CNTRL: variants seen among roughly 807,000 people sequenced by gnomAD.
The protein encoded by CNTRL is 110 kDa centrosomal protein.
CNTRL carries 233 observed loss-of-function variants against 303.7 expected under a neutral mutation model. The observed-to-expected ratio is 0.77, with a 90% CI of 0.69 to 0.86. The LOEUF is 0.86. Ranked by LOEUF, CNTRL falls within the 40% of genes least tolerant of loss-of-function variation. The probability of loss-of-function intolerance (pLI) is 0.00; values close to 1 mark genes in which losing one functional copy is unlikely to be tolerated. For missense variants in CNTRL, 2,524 were observed against 2,650.6 expected (o/e 0.95, Z 1.05); for synonymous variants, 900 against 922.2 (o/e 0.98, Z 0.44).
In CNTRL at chr9:121,146,010, C is replaced by A; in HGVS notation, c.3311-98C>A. The A allele has an allele frequency of 5.5e-6, 6 of 1,091,746 alleles. No individual in the cohort carries two copies. In the South Asian group the frequency reaches 7.3e-5, roughly 13 times the overall value. The allele number at this position is 1,091,746 out of a possible 1,614,324, so 67.6% of individuals were successfully genotyped here. A position where few individuals can be genotyped will look rare whatever the true frequency, so the allele number is the denominator to read the frequency against. ...CAGACTGAAAGTCAGCTTTGAGGAACTGATAAAATTAATTGGCTCTCTTAG... is the reference window on the plus strand; with the variant it reads ...CAGACTGAAAGTCAGCTTTGAGGAAATGATAAAATTAATTGGCTCTCTTAG... On this transcript the variant is annotated intron_variant, in intron 22 of 43. Coordinates refer to ENST00000373855, the MANE Select transcript of CNTRL (RefSeq NM_007018.6).
At chr9:121,170,333 G>A (rs1235952264) in intron 39 of CNTRL, among the ~76,000 whole-genome samples, 1 of 152,136 alleles carries the variant, frequency 6.6e-6, no homozygotes, top group African/African-American at 2.4e-5. Context: ...TAGTAGAGAT[G>A]GGGTTTCACC....
intron 12 of CNTRL, among the ~76,000 whole-genome samples, chr9:121,121,244 T>C (rs2050210230): frequency 1.3e-5 from 2 of 152,220 alleles, no homozygotes; most frequent in Non-Finnish European, 2.9e-5. Flanking sequence ...ATTTTCCATG[T>C]TCTGGTGAGG....
At chr9:121,156,683 CTATT>C (rs1304473480) in intron 27 of CNTRL, among the ~76,000 whole-genome samples, 2 of 152,006 alleles carry the variant, frequency 1.3e-5, no homozygotes, top group Admixed American at 6.6e-5. Flanking sequence ...AAACCACACT[CTATT>C]TATTTTTGGA....
At chr9:121,169,942 T>C in intron 39 of CNTRL, 126 bp downstream of exon 39, 1 of 780,742 alleles carries the variant, frequency 1.3e-6, no homozygotes, top group Non-Finnish European at 2.0e-6. Context: ...GCTGTTGTTA[T>C]TGATGTATTT....
chr9:121,102,359 C>A (rs561001884), intron 7 of CNTRL, among the ~76,000 whole-genome samples: 1 of 152,198 alleles, frequency 6.6e-6, no homozygotes, highest in South Asian at 2.1e-4. Flanking sequence ...GCCCTTCATG[C>A]TAAAAACTCA....
intron 16 of CNTRL, among the ~76,000 whole-genome samples, chr9:121,140,043 A>G (rs1204490589): frequency 1.3e-5 from 2 of 152,160 alleles, no homozygotes; most frequent in South Asian, 2.1e-4. Context: ...TTTAGTTGCA[A>G]TGAACCAAAA....
At chr9:121,112,362 T>C (rs1007088491) in intron 8 of CNTRL, 97 bp from the exon 9 acceptor site, 22 of 1,045,106 alleles carry the variant, frequency 2.1e-5, no homozygotes, top group Non-Finnish European at 2.7e-5. Context: ...TTTAAACATA[T>C]ATGATTATAA....
chr9:121,090,369 CCTTTCA>C lies in CNTRL; in HGVS notation c.318_323del (p.Leu107_Ser108del), dbSNP rs1438745050. On this transcript the variant is annotated inframe_deletion, in exon 4 of 44. Coordinates refer to ENST00000373855, the MANE Select transcript of CNTRL (RefSeq NM_007018.6). The stretch of plus-strand genomic sequence containing the variant: ...ATTTGGCTTTGATAAAATCTCTGAA[CCTTTCA>C]CTTTCTAAAGACGGTGGCAAGAAAT... 3 of 1,612,136 alleles carry C rather than the reference CCTTTCA, an allele frequency of 1.9e-6. No homozygotes were observed. The African/African-American group carries it at 4.0e-5, about 22-fold the overall frequency.
chr9:121,127,063 G>A (rs530969501), intron 14 of CNTRL, among the ~76,000 whole-genome samples: 1 of 152,020 alleles, frequency 6.6e-6, no homozygotes, highest in Non-Finnish European at 1.5e-5. Context: ...CAGGTGATCC[G>A]CCTGCCTTGG....
Position 121,115,165 on chromosome 9 carries a change from T to C in CNTRL, c.1420T>C (p.Phe474Leu), listed in dbSNP as rs1343379103. The change falls in exon 11 of 44, where the codon TTT becomes CTT. Residue 474 changes from phenylalanine (F) to leucine (L), a missense_variant. Transcript: ENST00000373855. ...ACAAATTTTGAGAGCTACTGAAGAA[T>C]TTAAACAACTGGAAGAAGCTATACA... The part of the protein sequence containing the change: ...EQQILRATEE[F>L]KQLEEAIQLK... 2 of 1,606,800 alleles carry C rather than the reference T, an allele frequency of 1.2e-6. No homozygotes were observed. The highest frequency in any genetic ancestry group is 4.5e-5 in the East Asian group (2 of 44,570).
chr9:121,096,383 T>C, intron 5 of CNTRL, 39 bp from the exon 6 acceptor site: 1 of 1,358,692 alleles, frequency 7.4e-7, no homozygotes, highest in Non-Finnish European at 9.9e-7. Context: ...GACTCTATAA[T>C]TGTACTCACT....
At chr9:121,113,114 C>T (rs1407909) in intron 9 of CNTRL, among the ~76,000 whole-genome samples, 90,631 of 151,958 alleles carry the variant, frequency 0.6, 29,231 homozygotes, top group South Asian at 0.89. Flanking sequence ...GATGGCTACA[C>T]ACCATGTATC....
chr9:121,150,237 G>A lies in CNTRL; in HGVS notation c.3717G>A (p.Val1239=), dbSNP rs776694903. The part of the protein sequence containing the change: ...ELDDQEEPPF[V]PPPGYMMYTV... ...ATGACCAAGAAGAACCCCCATTTGT[G>A]CCTCCTCCTGGATACATGATGTATA... The change falls in exon 25 of 44, where the codon GTG becomes GTA. Residue 1239 remains valine, a synonymous_variant. Transcript: ENST00000373855. 5.0e-6 allele frequency: 8 copies of A among 1,613,892 alleles called. No homozygotes were observed. The East Asian group carries it at 1.3e-4, about 27-fold the overall frequency.
rs769080540 is a variant in CNTRL at position 121,082,268 on chromosome 9, C to T, written c.-32+1790C>T. On this transcript the variant is annotated intron_variant, in intron 2 of 43. Transcript: ENST00000373855. ...TTGATTGGTTATAGCTCTGTGTTTA[C>T]CTTATTTGAACATGGTACGATCACT... 2.0e-5 allele frequency among the ~76,000 whole-genome samples: 3 copies of T among 152,232 alleles called. No individual in the cohort carries two copies. The East Asian group carries it at 5.8e-4, about 29-fold the overall frequency.
intron 24 of CNTRL, among the ~76,000 whole-genome samples, chr9:121,149,392 C>CT (rs1554758769): frequency 2.6e-5 from 4 of 151,472 alleles, no homozygotes; most frequent in African/African-American, 4.9e-5. Context: ...CATTCAGAAA[C>CT]TTTTTTTTGT....
intron 1 of CNTRL, among the ~76,000 whole-genome samples, chr9:121,078,968 T>C (rs962864282): frequency 3.9e-5 from 6 of 152,160 alleles, no homozygotes; most frequent in Non-Finnish European, 8.8e-5. Context: ...GGCTTCATTA[T>C]GTAGGCCTGA....
chr9:121,175,190 C>T lies in CNTRL; in HGVS notation c.6920C>T (p.Ser2307Phe). Residue 2307 changes from serine (S) to phenylalanine (F), a missense_variant, in exon 43 of 44, where the codon TCC (serine) becomes TTC (phenylalanine). Coordinates refer to ENST00000373855, the MANE Select transcript of CNTRL (RefSeq NM_007018.6). Reference sequence around the variant, plus strand: ...CCCAGTCTGTCTCAGCTGGAGTCTTCCCTCACAGAGGACTCTCAACTTGGA... The same window carrying T: ...CCCAGTCTGTCTCAGCTGGAGTCTTTCCTCACAGAGGACTCTCAACTTGGA... ...SSPSLSQLES[S>F]LTEDSQLGQN... 1 of 1,614,150 alleles carries T rather than the reference C, an allele frequency of 6.2e-7. No homozygotes were observed. Among genetic ancestry groups the T allele is most frequent in the Non-Finnish European group, 8.5e-7 (1 of 1,180,034 alleles).
intron 15 of CNTRL, among the ~76,000 whole-genome samples, chr9:121,138,296 A>G (rs1450500149): frequency 6.6e-6 from 1 of 152,148 alleles, no homozygotes; most frequent in East Asian, 1.9e-4. Flanking sequence ...CCACCCCTGA[A>G]GATTCTGATT....
chr9:121,161,152 G>T, intron 32 of CNTRL: 1 of 382,484 alleles, frequency 2.6e-6, no homozygotes, highest in East Asian at 3.7e-5. Flanking sequence ...GTGTGCGCGC[G>T]TGCTCACGCG....
Sources: gnomAD v4.1 joint callset for allele counts (sites outside exome capture counted in the v4.1 genomes callset) on GRCh38, gnomAD v4.1.1 for gene constraint, MANE v1.5 for transcripts, NCBI Gene and HGNC (gene_info 2026-07-23, HGNC 2026-07-21) for gene names.